The following SGCD variants were observed in gnomAD, a reference collection of about 807,000 sequenced individuals.
The protein encoded by SGCD is sarcoglycan delta.
SGCD carries 18 observed loss-of-function variants against 36.6 expected under a neutral mutation model. That is an observed-to-expected ratio of 0.49 (90% CI 0.34 to 0.73). The LOEUF (loss-of-function observed/expected upper bound fraction) is 0.73. SGCD is among the 30% of genes least tolerant of loss of function. The pLI, the probability that SGCD is intolerant of heterozygous loss-of-function variation, is 0.01. For missense variants in SGCD, 387 were observed against 346.7 expected (o/e 1.12, Z -0.92); for synonymous variants, 133 against 130.6 (o/e 1.02, Z -0.12).
intron 1 of SGCD, among the ~76,000 whole-genome samples, chr5:156,025,868 A>T (rs1759217035): frequency 6.6e-6 from 1 of 152,256 alleles, no homozygotes; most frequent in Non-Finnish European, 1.5e-5. Flanking sequence ...ATCTGGTGGT[A>T]GTTTTGTTCA....
the SGCD span, among the ~76,000 whole-genome samples, chr5:155,791,874 C>A: frequency 5.9e-5 from 9 of 152,104 alleles, no homozygotes; most frequent in Non-Finnish European, 1.5e-5. Flanking sequence ...TATGAAAATA[C>A]CAACGTCATT....
chr5:156,103,701 C>A (rs1761578308), intron 1 of SGCD, among the ~76,000 whole-genome samples: 1 of 152,004 alleles, frequency 6.6e-6, no homozygotes, highest in Non-Finnish European at 1.5e-5. Context: ...CCAAGGCAGT[C>A]TAAGATAATT....
At chr5:155,914,850 A>T (rs1756704760) in intron 1 of SGCD, among the ~76,000 whole-genome samples, 1 of 152,192 alleles carries the variant, frequency 6.6e-6, no homozygotes, top group Non-Finnish European at 1.5e-5. Context: ...CACTTGGCTT[A>T]CCAGCTTTGA....
At chr5:156,283,783 A>G (rs1766521331) in intron 3 of SGCD, among the ~76,000 whole-genome samples, 2 of 152,166 alleles carry the variant, frequency 1.3e-5, no homozygotes, top group African/African-American at 4.8e-5. Context: ...CCAATTCTCA[A>G]GAGAGGCTGA....
At position 156,412,787 on chromosome 5, in the gene SGCD, C is replaced by CTTTTTTTTTTTTTTTTTTT. The variant is rs35464853; in HGVS notation, c.192+68111_192+68129dup. 2.9e-5 allele frequency among the ~76,000 whole-genome samples: 3 copies of CTTTTTTTTTTTTTTTTTTT among 105,032 alleles called. No homozygotes were observed. In the South Asian group the frequency reaches 9.5e-4, roughly 33 times the overall value. 68.9% of individuals were successfully genotyped at this position (105,032 alleles called of 152,430 possible). A position where few individuals can be genotyped will look rare whatever the true frequency, so the allele number is the denominator to read the frequency against. ...CAGATTGAATCAGGCAGGGTTGGTTCTTTTTTTTTTTTTTTTTTTGAGACG... is the reference window on the plus strand; with the variant it reads ...CAGATTGAATCAGGCAGGGTTGGTTCTTTTTTTTTTTTTTTTTTTTTTTTTTTTTTTTTTTTTTGAGACG... On this transcript the variant is annotated intron_variant, in intron 3 of 8. Transcript: ENST00000337851.
intron 3 of SGCD, among the ~76,000 whole-genome samples, chr5:156,312,286 T>G (rs992641418): frequency 6.6e-6 from 1 of 152,212 alleles, no homozygotes; most frequent in Admixed American, 6.5e-5. Flanking sequence ...CTCAGATACA[T>G]AGATCCAGCT....
intron 3 of SGCD, among the ~76,000 whole-genome samples, chr5:156,295,567 T>C (rs1329461137): frequency 6.6e-6 from 1 of 152,198 alleles, no homozygotes; most frequent in Non-Finnish European, 1.5e-5. Context: ...CCATTTGGTC[T>C]GGAGGTCTCT....
chr5:156,550,386 C>T (rs1157870899), intron 4 of SGCD, among the ~76,000 whole-genome samples: 5 of 152,182 alleles, frequency 3.3e-5, no homozygotes, highest in African/African-American at 1.2e-4. Flanking sequence ...TCTAGATAAG[C>T]TAAGTGCTTC....
At chr5:155,794,714 A>T in the SGCD span, among the ~76,000 whole-genome samples, 1 of 151,986 alleles carries the variant, frequency 6.6e-6, no homozygotes, top group Admixed American at 6.5e-5. Context: ...ATGTACAGGT[A>T]ATTGGAGTAC....
intron 3 of SGCD, among the ~76,000 whole-genome samples, chr5:156,210,193 T>C (rs769119006): frequency 2.0e-5 from 3 of 151,786 alleles, no homozygotes; most frequent in Non-Finnish European, 4.4e-5. Context: ...ACCCAGGCAA[T>C]AGGCACCCAT....
chr5:155,791,163 T>C, the SGCD span, among the ~76,000 whole-genome samples: 2 of 152,110 alleles, frequency 1.3e-5, no homozygotes, highest in Admixed American at 6.6e-5. Context: ...TTCCCTACTT[T>C]TTTCCTGGGA....
chr5:156,469,150 A>G (rs1268723718), intron 3 of SGCD, among the ~76,000 whole-genome samples: 2 of 152,118 alleles, frequency 1.3e-5, no homozygotes, highest in Admixed American at 1.3e-4. Context: ...TGAAGAGCAT[A>G]TAAATCCTCT....
At chr5:156,497,148 G>A (rs548060454) in intron 3 of SGCD, among the ~76,000 whole-genome samples, 6 of 148,568 alleles carry the variant, frequency 4.0e-5, no homozygotes, top group East Asian at 4.0e-4. Flanking sequence ...GCTCTCCCTC[G>A]TTTTCTTTCT....
At chr5:155,923,110 T>C (rs1756922101) in intron 1 of SGCD, among the ~76,000 whole-genome samples, 2 of 152,330 alleles carry the variant, frequency 1.3e-5, no homozygotes, top group Middle Eastern at 3.4e-3. Context: ...GGGGGTTTCA[T>C]ACTACGCAAA....
chr5:155,860,092 A>T, the SGCD span, among the ~76,000 whole-genome samples: 1 of 152,248 alleles, frequency 6.6e-6, no homozygotes, highest in Non-Finnish European at 1.5e-5. Flanking sequence ...AGAACAATTT[A>T]CTTGAATTGC....
At chr5:155,897,173 C>G (rs1014388094) in intron 1 of SGCD, among the ~76,000 whole-genome samples, 1 of 152,162 alleles carries the variant, frequency 6.6e-6, no homozygotes, top group Non-Finnish European at 1.5e-5. Flanking sequence ...CTATATGGTA[C>G]AGCTTAGTGC....
At chr5:156,188,253 C>T (rs1763809932) in intron 3 of SGCD, among the ~76,000 whole-genome samples, 1 of 152,160 alleles carries the variant, frequency 6.6e-6, no homozygotes, top group Non-Finnish European at 1.5e-5. Flanking sequence ...TCATTAAAAA[C>T]AACTGACAAT....
rs573851819 is a variant in SGCD at position 155,977,682 on chromosome 5, A to G, written c.-282+107258A>G. 1.6e-3 allele frequency among the ~76,000 whole-genome samples: 251 copies of G among 152,370 alleles called. 1 individual carries two copies. The highest frequency in any genetic ancestry group is 2.8e-3 in the Non-Finnish European group (193 of 68,044). On this transcript the variant is annotated intron_variant, in intron 1 of 9. Coordinates refer to the SGCD transcript ENST00000517913. The stretch of plus-strand genomic sequence containing the variant: ...AGAATATTCACCCAGGAGGGGAGGC[A>G]TCAGGTTACTATTGTTAGCCAAAGT...
chr5:156,736,363 A>G (rs1187716675), intron 7 of SGCD, among the ~76,000 whole-genome samples: 1 of 152,224 alleles, frequency 6.6e-6, no homozygotes, highest in Admixed American at 6.5e-5. Flanking sequence ...TATTTTACCC[A>G]AAGATTTGGA....
Sources: allele counts gnomAD v4.1 joint callset (sites outside exome capture counted in the v4.1 genomes callset), GRCh38; gene constraint gnomAD v4.1.1; transcripts MANE v1.5; gene names NCBI Gene and HGNC (gene_info 2026-07-23, HGNC 2026-07-21).